SOX6: variants seen among roughly 807,000 people sequenced by gnomAD.
SOX6 encodes transcription factor SOX-6.
In SOX6, 11 loss-of-function variants were observed where a neutral mutation model predicts 97.8. The ratio of observed to expected loss-of-function variants is 0.11; its 90% CI spans 0.07 to 0.19. SOX6 has a LOEUF of 0.19. Among genes scored for constraint, SOX6 ranks in the 10% least tolerant of loss-of-function variants. The probability of loss-of-function intolerance (pLI) is 1.00; values close to 1 mark genes in which losing one functional copy is unlikely to be tolerated. For synonymous variants in SOX6, 360 were observed against 371.4 expected (o/e 0.97, Z 0.35); for missense variants, 810 against 1,039.5 (o/e 0.78, Z 3.04).
chr11:16,182,373 A>AT (rs1851368230), intron 6 of SOX6, among the ~76,000 whole-genome samples: 1 of 151,862 alleles, frequency 6.6e-6, no homozygotes, highest in Non-Finnish European at 1.5e-5. Flanking sequence ...CGATCATGTT[A>AT]TTTAACACCT....
chr11:16,089,353 T>A (rs368001987), intron 9 of SOX6, among the ~76,000 whole-genome samples: 1 of 152,098 alleles, frequency 6.6e-6, no homozygotes, highest in East Asian at 1.9e-4. Flanking sequence ...CTGTCACCAA[T>A]TATAAGAGAA....
intron 7 of SOX6, among the ~76,000 whole-genome samples, chr11:16,109,804 C>T (rs1426489856): frequency 6.6e-6 from 1 of 152,126 alleles, no homozygotes; most frequent in Non-Finnish European, 1.5e-5. Context: ...AGGAGTCACA[C>T]GAAAGTAAAC....
chr11:16,670,714 G>A (rs1847842196), intron 3 of SOX6, among the ~76,000 whole-genome samples: 1 of 152,130 alleles, frequency 6.6e-6, no homozygotes, highest in South Asian at 2.1e-4. Flanking sequence ...TTTCTCTGGG[G>A]TGAAGCCCTC....
intron 9 of SOX6, among the ~76,000 whole-genome samples, chr11:16,080,283 AAAAG>A (rs1848446075): frequency 6.6e-6 from 1 of 151,490 alleles, no homozygotes; most frequent in Non-Finnish European, 1.5e-5. Flanking sequence ...AAAAGACTGA[AAAAG>A]AAATTTAGAA....
intron 3 of SOX6, among the ~76,000 whole-genome samples, chr11:16,647,890 G>A (rs1327006945): frequency 1.3e-5 from 2 of 152,192 alleles, no homozygotes; most frequent in Admixed American, 6.5e-5. Flanking sequence ...AGCCATCCCT[G>A]ACTATATCTT....
At chr11:16,451,151 G>C (rs1483783236) in intron 1 of SOX6, among the ~76,000 whole-genome samples, 1 of 152,042 alleles carries the variant, frequency 6.6e-6, no homozygotes, top group Non-Finnish European at 1.5e-5. Context: ...AGGATCATTT[G>C]AGCCAGGGAT....
chr11:16,574,863 A>C (rs140698227), intron 4 of SOX6, among the ~76,000 whole-genome samples: 15,998 of 152,018 alleles, frequency 0.11, 908 homozygotes, highest in Non-Finnish European at 0.14. Context: ...AACATGGTGA[A>C]ACCTCATCTC....
At chr11:16,233,646 T>C (rs1852924235) in intron 4 of SOX6, among the ~76,000 whole-genome samples, 1 of 152,152 alleles carries the variant, frequency 6.6e-6, no homozygotes, top group Non-Finnish European at 1.5e-5. Context: ...GAACTATACA[T>C]GTATTAACTT....
intron 12 of SOX6, among the ~76,000 whole-genome samples, chr11:16,039,299 T>C (rs1855596513): frequency 6.6e-6 from 1 of 152,110 alleles, no homozygotes; most frequent in African/African-American, 2.4e-5. Flanking sequence ...GTTTTGCTCC[T>C]TAATTCAAAC....
At chr11:16,386,860 C>T (rs1167796125) in intron 1 of SOX6, among the ~76,000 whole-genome samples, 14 of 152,122 alleles carry the variant, frequency 9.2e-5, no homozygotes, top group African/African-American at 2.4e-4. Flanking sequence ...GAGAAAGGTA[C>T]GACATACATT....
chr11:16,350,348 A>C (rs1423633835), intron 1 of SOX6, among the ~76,000 whole-genome samples: 1 of 152,194 alleles, frequency 6.6e-6, no homozygotes, highest in Non-Finnish European at 1.5e-5. Context: ...CTCTAGCTGC[A>C]CGTTTTATTT....
chr11:16,683,173 A>G (rs1316645494), intron 3 of SOX6, among the ~76,000 whole-genome samples: 1 of 152,242 alleles, frequency 6.6e-6, no homozygotes, highest in Non-Finnish European at 1.5e-5. Flanking sequence ...GTTAATTTAT[A>G]GATTCAATGC....
intron 4 of SOX6, among the ~76,000 whole-genome samples, chr11:16,544,989 A>T (rs1432056609): frequency 6.6e-6 from 1 of 152,120 alleles, no homozygotes; most frequent in Non-Finnish European, 1.5e-5. Flanking sequence ...TTAGGAGGCC[A>T]AAGCAGGAGG....
intron 4 of SOX6, among the ~76,000 whole-genome samples, chr11:16,572,046 C>T (rs1050554637): frequency 6.6e-6 from 1 of 152,098 alleles, no homozygotes; most frequent in African/African-American, 2.4e-5. Flanking sequence ...ATCAAACGCA[C>T]GAATACCTAT....
intron 1 of SOX6, among the ~76,000 whole-genome samples, chr11:16,420,427 C>T (rs1858999631): frequency 6.6e-6 from 1 of 152,104 alleles, no homozygotes; most frequent in African/African-American, 2.4e-5. Context: ...GTATTCCTTT[C>T]CATTCTCATA....
intron 9 of SOX6, among the ~76,000 whole-genome samples, chr11:16,094,786 C>G (rs535282340): frequency 1.0e-3 from 157 of 151,968 alleles, no homozygotes; most frequent in African/African-American, 3.6e-3. Flanking sequence ...AAGTATGTGT[C>G]TAATCATGTC....
chr11:16,699,106 C>T (rs890739431), intron 3 of SOX6, among the ~76,000 whole-genome samples: 7 of 152,170 alleles, frequency 4.6e-5, no homozygotes, highest in African/African-American at 1.7e-4. Flanking sequence ...CCTGTATGTT[C>T]TATGCACTGG....
intron 4 of SOX6, among the ~76,000 whole-genome samples, chr11:16,586,986 A>G (rs1391095306): frequency 7.9e-5 from 12 of 152,224 alleles, no homozygotes; most frequent in Admixed American, 7.9e-4. Context: ...CAAAGTGAAG[A>G]CAGGGTTATG....
At chr11:15,997,846 G>A (rs1420404198) in intron 13 of SOX6, among the ~76,000 whole-genome samples, 3 of 152,140 alleles carry the variant, frequency 2.0e-5, no homozygotes, top group African/African-American at 7.2e-5. Context: ...ATTTCGGGAG[G>A]CTGAGGTGGG....
Sources: gnomAD v4.1 joint callset for allele counts (sites outside exome capture counted in the v4.1 genomes callset) on GRCh38, gnomAD v4.1.1 for gene constraint, MANE v1.5 for transcripts, NCBI Gene and HGNC (gene_info 2026-07-23, HGNC 2026-07-21) for gene names.